RUSF1: variants seen among roughly 807,000 people sequenced by gnomAD.
RUSF1 encodes RUS1 family protein C16orf58.
RUSF1 carries 58 observed loss-of-function variants against 63.0 expected under a neutral mutation model. The observed-to-expected ratio is 0.92, with a 90% CI of 0.75 to 1.15. The LOEUF is 1.15. RUSF1 is among the 50% of genes most tolerant of loss of function. RUSF1 has a pLI of 0.00. For missense variants in RUSF1, 652 were observed against 611.0 expected, an observed-to-expected ratio of 1.07 and a Z score of -0.71; for synonymous variants, 274 against 255.8, an observed-to-expected ratio of 1.07 and a Z score of -0.68.
At position 31,503,348 on chromosome 16, in the gene RUSF1, G is replaced by C. The variant is rs746864717; in HGVS notation, c.416-2617C>G. ...GTTACTTAAACACACTTTTGTCTCT[G>C]TTTTTCCATCTAAAAAATGAATAAT... On this transcript the variant is annotated intron_variant, in intron 2 of 12. Transcript: ENST00000327237. Among the ~76,000 whole-genome samples the C allele has an allele frequency of 5.1e-4, 78 of 152,290 alleles. 1 individual carries two copies. The highest frequency in any genetic ancestry group is 8.5e-4 in the Non-Finnish European group (58 of 68,026).
intron 3 of RUSF1, among the ~76,000 whole-genome samples, chr16:31,500,199 C>T (rs1250477376): frequency 6.6e-6 from 1 of 152,074 alleles, no homozygotes; most frequent in Non-Finnish European, 1.5e-5. Flanking sequence ...GCATTAGGCC[C>T]GAGTCTCAGT....
At chr16:31,504,644 A>T (rs2082649124) in intron 2 of RUSF1, among the ~76,000 whole-genome samples, 1 of 152,234 alleles carries the variant, frequency 6.6e-6, no homozygotes, top group Non-Finnish European at 1.5e-5. Context: ...TTGGGAGTGC[A>T]GACACGATGC....
chr16:31,502,888 C>A (rs531292082), intron 2 of RUSF1, among the ~76,000 whole-genome samples: 8 of 152,390 alleles, frequency 5.2e-5, no homozygotes, highest in African/African-American at 1.9e-4. Context: ...CCTCGGCCTT[C>A]CGAAGTGTTG....
intron 2 of RUSF1, 89 bp downstream of exon 2, chr16:31,507,675 G>T: frequency 8.2e-7 from 1 of 1,217,822 alleles, no homozygotes. Flanking sequence ...TACCTAATGG[G>T]GCACGAGTCC....
At position 31,496,968 on chromosome 16, in the gene RUSF1, A is replaced by T. The variant is rs367857009; in HGVS notation, c.601-18T>A. ...ACGATGCACTGGGTGGGAGGGGAAG[A>T]GAGAAGGTTGGCAGAGACACGTGTC... On this transcript the variant is annotated intron_variant, in intron 5 of 12. Coordinates refer to ENST00000327237, the MANE Select transcript of RUSF1 (RefSeq NM_022744.4). 6.8e-4 allele frequency: 1,068 copies of T among 1,581,520 alleles called. 1 individual carries two copies. The highest frequency in any genetic ancestry group is 8.3e-4 in the Non-Finnish European group (965 of 1,164,190).
Position 31,490,263 on chromosome 16 carries a change from G to A in RUSF1, c.*572C>T, listed in dbSNP as rs1190098984. 3 of 1,613,996 alleles carry A rather than the reference G, an allele frequency of 1.9e-6. No individual in the cohort carries two copies. The highest frequency in any genetic ancestry group is 1.7e-6 in the Non-Finnish European group (2 of 1,179,964). Reference sequence around the variant, plus strand: ...ACCATGCTGGGAGGTGGGGCTGGAGGAGCTGAGTTCCCGCAAACTAACTGC... The same window carrying A: ...ACCATGCTGGGAGGTGGGGCTGGAGAAGCTGAGTTCCCGCAAACTAACTGC... On this transcript the variant is annotated 3_prime_UTR_variant, in exon 13 of 13. Coordinates refer to ENST00000327237, the MANE Select transcript of RUSF1 (RefSeq NM_022744.4).
chr16:31,507,735 A>G, intron 2 of RUSF1, 29 bp downstream of exon 2: 1 of 1,546,240 alleles, frequency 6.5e-7, no homozygotes, highest in Non-Finnish European at 8.8e-7. Flanking sequence ...GAAAGCAGCA[A>G]TACGTGAGGC....
chr16:31,489,525 G>C lies in RUSF1; in HGVS notation c.*1310C>G. On this transcript the variant is annotated 3_prime_UTR_variant, in exon 13 of 13. Coordinates refer to ENST00000327237, the MANE Select transcript of RUSF1 (RefSeq NM_022744.4). The stretch of plus-strand genomic sequence containing the variant: ...ATACATTTATTTGAACCGGCCTGGG[G>C]GAGGCTTGATGTTGATGGGTTGGTG... 1 of 646,482 alleles carries C rather than the reference G, an allele frequency of 1.5e-6. No individual in the cohort carries two copies. The highest frequency in any genetic ancestry group is 2.7e-5 in the East Asian group (1 of 36,548). 40.0% of individuals were successfully genotyped at this position (646,482 alleles called of 1,614,324 possible). A position where few individuals can be genotyped will look rare whatever the true frequency, so the allele number is the denominator to read the frequency against.
Position 31,492,210 on chromosome 16 carries a change from G to A in RUSF1, c.1218C>T (p.Asn406=), listed in dbSNP as rs137933115. 24 of 1,611,134 alleles carry A rather than the reference G, an allele frequency of 1.5e-5. No homozygotes were observed. Among genetic ancestry groups the A allele is most frequent in the Non-Finnish European group, 2.0e-5 (23 of 1,178,364 alleles). Reference sequence around the variant, plus strand: ...TGAGGCACTTACCTGCCCGCACCCGGTTCCTCAGCTCCTCCAGCTCTGCTG... The same window carrying A: ...TGAGGCACTTACCTGCCCGCACCCGATTCCTCAGCTCCTCCAGCTCTGCTG... ...PLPAELEELR[N]RVRAGPKKES... The change falls in exon 11 of 13, where the codon AAC becomes AAT. Residue 406 remains asparagine (N), a synonymous_variant. Coordinates refer to ENST00000327237, the MANE Select transcript of RUSF1 (RefSeq NM_022744.4).
In RUSF1 at chr16:31,489,607, T is replaced by A. The variant is rs940685122; in HGVS notation, c.*1228A>T. 3 of 575,178 alleles carry A rather than the reference T, an allele frequency of 5.2e-6. No homozygotes were observed. Among genetic ancestry groups the A allele is most frequent in the African/African-American group, 1.9e-5 (1 of 53,370 alleles). The allele number at this position is 575,178 out of a possible 1,614,324, so 35.6% of individuals were successfully genotyped here. A position where few individuals can be genotyped will look rare whatever the true frequency, so the allele number is the denominator to read the frequency against. Reference sequence around the variant, plus strand: ...GGCCTTTGGGACTCAAAACACAGGATCTGACTGGTGGGCACAATACCATCT... The same window carrying A: ...GGCCTTTGGGACTCAAAACACAGGAACTGACTGGTGGGCACAATACCATCT... On this transcript the variant is annotated 3_prime_UTR_variant, in exon 13 of 13. Transcript: ENST00000327237.
At position 31,508,180 on chromosome 16, in the gene RUSF1, G is replaced by T. The variant is rs779344272; in HGVS notation, c.194C>A (p.Ala65Asp). Residue 65 changes from alanine (A) to aspartate (D), a missense_variant, in exon 1 of 13, where the codon GCC becomes GAC. Physicochemically the swap from Ala to Asp is moderately radical, Grantham distance 126. Coordinates refer to ENST00000327237, the MANE Select transcript of RUSF1 (RefSeq NM_022744.4). Reference sequence around the variant, plus strand: ...GAGCCCGGAGAGGGGCGGTGAGGGGGCCCCGGAAGCCCCCACTTCGCCCGC... The same window carrying T: ...GAGCCCGGAGAGGGGCGGTGAGGGGTCCCCGGAAGCCCCCACTTCGCCCGC... ...RDAGEVGASGAPSPPLSGLQA... is the reference protein window; with the variant it reads ...RDAGEVGASGDPSPPLSGLQA... The T allele has an allele frequency of 1.3e-6, 2 of 1,570,824 alleles. No individual in the cohort carries two copies. The highest frequency in any genetic ancestry group is 1.9e-5 in the Admixed American group (1 of 53,746).
At position 31,493,490 on chromosome 16, in the gene RUSF1, G is replaced by A. The variant is rs768546536; in HGVS notation, c.993C>T (p.Val331=). ...FWPAPSLSLG[V]PLHRLVSSVF... is the part of the protein sequence containing the mutation. Reference sequence around the variant, plus strand: ...ACCTGGAGACCAAGCGGTGTAAGGGGACCCCCAGGGATAGAGACGGAGCTG... The same window carrying A: ...ACCTGGAGACCAAGCGGTGTAAGGGAACCCCCAGGGATAGAGACGGAGCTG... The change falls in exon 9 of 13, where the codon GTC becomes GTT. Residue 331 remains valine, a synonymous_variant. Transcript: ENST00000327237. 1.6e-5 allele frequency: 25 copies of A among 1,610,920 alleles called. No individual in the cohort carries two copies. The highest frequency in any genetic ancestry group is 2.1e-5 in the Non-Finnish European group (25 of 1,178,614).
chr16:31,490,677 C>T lies in RUSF1; in HGVS notation c.*158G>A, dbSNP rs2082558922. 1 of 1,070,598 alleles carries T rather than the reference C, an allele frequency of 9.3e-7. No individual in the cohort carries two copies. The highest frequency in any genetic ancestry group is 1.4e-6 in the Non-Finnish European group (1 of 711,234). The allele number at this position is 1,070,598 out of a possible 1,614,324, so 66.3% of individuals were successfully genotyped here. On this transcript the variant is annotated 3_prime_UTR_variant, in exon 13 of 13. Transcript: ENST00000327237. Reference sequence around the variant, plus strand: ...TCTCCCGGCCTTCCTCTGCCTGGGGCCCACTGCATCTGATTGGCAGTCACT... The same window carrying T: ...TCTCCCGGCCTTCCTCTGCCTGGGGTCCACTGCATCTGATTGGCAGTCACT...
At chr16:31,496,271 G>A (rs1188486371) in intron 6 of RUSF1, among the ~76,000 whole-genome samples, 2 of 152,120 alleles carry the variant, frequency 1.3e-5, no homozygotes, top group African/African-American at 4.8e-5. Flanking sequence ...GGGTTGCCCA[G>A]GCTGGTTTCA....
chr16:31,493,075 G>A, intron 9 of RUSF1, 27 bp from the exon 10 acceptor site: 1 of 1,610,266 alleles, frequency 6.2e-7, no homozygotes, highest in Non-Finnish European at 8.5e-7. Flanking sequence ...AGTGCAGTGG[G>A]GGTGGAGGAC....
intron 12 of RUSF1, among the ~76,000 whole-genome samples, chr16:31,491,449 G>A (rs1227954302): frequency 6.7e-6 from 1 of 150,034 alleles, no homozygotes; most frequent in African/African-American, 2.5e-5. Context: ...CCTCCTGACA[G>A]TCCCACAGGC....
chr16:31,492,670 G>A (rs1457143761), intron 10 of RUSF1, among the ~76,000 whole-genome samples: 14 of 152,314 alleles, frequency 9.2e-5, no homozygotes, highest in African/African-American at 3.4e-4. Flanking sequence ...CCAGGATGGA[G>A]AGAAGGGTGG....
chr16:31,492,114 C>G (rs766902069), intron 11 of RUSF1, 28 bp from the exon 12 acceptor site: 1 of 1,614,086 alleles, frequency 6.2e-7, no homozygotes, highest in Non-Finnish European at 8.5e-7. Flanking sequence ...GAACCAGAAG[C>G]TCTGTGTCCT....
intron 3 of RUSF1, among the ~76,000 whole-genome samples, chr16:31,499,772 C>T (rs2082623513): frequency 6.6e-6 from 1 of 152,062 alleles, no homozygotes; most frequent in African/African-American, 2.4e-5. Flanking sequence ...AAGGAAAAAC[C>T]CTGATTGTCT....
Sources: allele counts gnomAD v4.1 joint callset (sites outside exome capture counted in the v4.1 genomes callset), GRCh38; gene constraint gnomAD v4.1.1; transcripts MANE v1.5; gene names NCBI Gene and HGNC (gene_info 2026-07-23, HGNC 2026-07-21).